The following SLC26A7 variants were observed in gnomAD, a reference collection of about 807,000 sequenced individuals.
The protein encoded by SLC26A7 is anion exchange transporter.
In SLC26A7, 59 loss-of-function variants were observed where a neutral mutation model predicts 82.5. The observed-to-expected ratio is 0.72, with a 90% CI of 0.58 to 0.89. The LOEUF is 0.89. Ranked by LOEUF, SLC26A7 falls within the 40% of genes least tolerant of loss-of-function variation. The pLI, the probability that SLC26A7 is intolerant of heterozygous loss-of-function variation, is 0.00. For synonymous variants in SLC26A7, 271 were observed against 274.3 expected (o/e 0.99, Z 0.12); for missense variants, 820 against 793.0 (o/e 1.03, Z -0.41).
chr8:91,390,481 A>G (rs766039578), intron 16 of SLC26A7, among the ~76,000 whole-genome samples: 2 of 151,572 alleles, frequency 1.3e-5, no homozygotes, highest in African/African-American at 2.4e-5. Context: ...TTCCCTCAAT[A>G]CCCTGAATTG....
intron 15 of SLC26A7, among the ~76,000 whole-genome samples, chr8:91,387,901 T>A (rs1174502791): frequency 6.6e-6 from 1 of 152,206 alleles, no homozygotes; most frequent in Non-Finnish European, 1.5e-5. Flanking sequence ...CACTCCTTCT[T>A]GAACATAGTA....
At chr8:91,390,105 C>T (rs1321026318) in intron 16 of SLC26A7, among the ~76,000 whole-genome samples, 6 of 148,206 alleles carry the variant, frequency 4.0e-5, no homozygotes, top group Non-Finnish European at 7.4e-5. Flanking sequence ...TACCTCCCCA[C>T]CCGCCTTTTT....
intron 4 of SLC26A7, among the ~76,000 whole-genome samples, chr8:91,307,093 A>G: frequency 7.5e-6 from 1 of 133,756 alleles, no homozygotes; most frequent in East Asian, 2.1e-4. Flanking sequence ...TCAAAACCAC[A>G]ATGAGATACC....
chr8:91,329,951 G>C (rs1224675261), intron 5 of SLC26A7, among the ~76,000 whole-genome samples: 1 of 152,096 alleles, frequency 6.6e-6, no homozygotes, highest in Non-Finnish European at 1.5e-5. Flanking sequence ...CCTGTGAACA[G>C]TTATCATCCA....
intron 5 of SLC26A7, among the ~76,000 whole-genome samples, chr8:91,331,044 T>G (rs753432277): frequency 7.2e-5 from 11 of 152,086 alleles, no homozygotes; most frequent in Non-Finnish European, 1.6e-4. Flanking sequence ...CCTGACATGG[T>G]ATTTCTCCTG....
intron 2 of SLC26A7, among the ~76,000 whole-genome samples, chr8:91,236,986 C>T (rs1023113575): frequency 5.9e-5 from 9 of 152,088 alleles, no homozygotes; most frequent in African/African-American, 1.7e-4. Flanking sequence ...TTCTGTCAAC[C>T]GAACTTGCAG....
chr8:91,261,447 A>G (rs1043833715), intron 2 of SLC26A7, among the ~76,000 whole-genome samples: 1 of 152,074 alleles, frequency 6.6e-6, no homozygotes, highest in Non-Finnish European at 1.5e-5. Flanking sequence ...GGTTTCAGCC[A>G]CTTTTTGCCT....
At chr8:91,282,463 G>T (rs1200905052) in intron 2 of SLC26A7, among the ~76,000 whole-genome samples, 1 of 152,084 alleles carries the variant, frequency 6.6e-6, no homozygotes, top group African/African-American at 2.4e-5. Flanking sequence ...CCTAATCAAT[G>T]GCAAAATCCT....
intron 2 of SLC26A7, among the ~76,000 whole-genome samples, chr8:91,240,755 C>A (rs187557179): frequency 5.3e-4 from 81 of 152,150 alleles, no homozygotes; most frequent in African/African-American, 1.9e-3. Context: ...TGAAAACAAG[C>A]ACAAAAGAAA....
intron 13 of SLC26A7, among the ~76,000 whole-genome samples, chr8:91,365,187 C>G (rs1814158681): frequency 2.7e-5 from 4 of 150,372 alleles, no homozygotes; most frequent in Admixed American, 2.7e-4. Context: ...TAACTTAAAA[C>G]AACACATTGG....
At position 91,219,059 on chromosome 8, in the gene SLC26A7, C is replaced by T. The variant is rs1034806144; in HGVS notation, c.-34+54C>T. On this transcript the variant is annotated intron_variant, in intron 2 of 5. Coordinates refer to the SLC26A7 transcript ENST00000522862. ...ACTTGCCCTGTCAGCTCTGCATACA[C>T]AGATTATGCCCTACTTAAGATACCA... 9.6e-6 allele frequency: 8 copies of T among 831,682 alleles called. No individual in the cohort carries two copies. In the Middle Eastern group the frequency reaches 1.8e-3, roughly 188 times the overall value. The allele number at this position is 831,682 out of a possible 1,614,324, so 51.5% of individuals were successfully genotyped here. A position where few individuals can be genotyped will look rare whatever the true frequency, so the allele number is the denominator to read the frequency against.
At chr8:91,343,527 G>A in intron 9 of SLC26A7, 61 bp downstream of exon 9, 1 of 1,140,516 alleles carries the variant, frequency 8.8e-7, no homozygotes, top group South Asian at 1.5e-5. Flanking sequence ...TTCTAGGAGA[G>A]TGGGAAGAGC....
intron 2 of SLC26A7, among the ~76,000 whole-genome samples, chr8:91,234,977 T>G (rs1810372883): frequency 6.6e-6 from 1 of 151,864 alleles, no homozygotes; most frequent in Non-Finnish European, 1.5e-5. Context: ...TGGAGTGCAG[T>G]GGTGTGATCG....
chr8:91,322,545 A>G (rs939343966), intron 5 of SLC26A7, among the ~76,000 whole-genome samples: 9 of 152,328 alleles, frequency 5.9e-5, no homozygotes, highest in African/African-American at 2.2e-4. Flanking sequence ...AGGAATGATG[A>G]AGTATCTTTT....
At chr8:91,387,592 A>G (rs934434022) in intron 15 of SLC26A7, among the ~76,000 whole-genome samples, 4 of 151,694 alleles carry the variant, frequency 2.6e-5, no homozygotes, top group African/African-American at 9.8e-5. Context: ...CCACATGGTT[A>G]GAATGCATAC....
chr8:91,266,911 C>T (rs1167871580), intron 2 of SLC26A7, among the ~76,000 whole-genome samples: 1 of 151,840 alleles, frequency 6.6e-6, no homozygotes, highest in Non-Finnish European at 1.5e-5. Context: ...AGGTATATTC[C>T]TTCCATATCT....
intron 5 of SLC26A7, among the ~76,000 whole-genome samples, chr8:91,319,719 T>C (rs965334759): frequency 3.3e-5 from 5 of 152,226 alleles, no homozygotes; most frequent in African/African-American, 1.2e-4. Context: ...AAAGCAGTGA[T>C]AGTTTCTGTC....
At position 91,270,159 on chromosome 8, in the gene SLC26A7, A is replaced by G. The variant is rs113843330; in HGVS notation, c.194-18977A>G. Among the ~76,000 whole-genome samples, 214 of 152,246 alleles carry G rather than the reference A, an allele frequency of 1.4e-3. 2 individuals carry two copies. The highest frequency in any genetic ancestry group is 5.1e-3 in the African/African-American group (211 of 41,544). ...TTCTGTGAGTTTTCACAATCCTTGT[A>G]TCTTTACACTGATTCCTGCACATTT... On this transcript the variant is annotated intron_variant, in intron 2 of 18. Transcript: ENST00000276609.
intron 15 of SLC26A7, among the ~76,000 whole-genome samples, chr8:91,372,460 T>C (rs536595877): frequency 7.6e-4 from 116 of 152,134 alleles, no homozygotes; most frequent in African/African-American, 2.5e-3. Flanking sequence ...GGCTAGCCAG[T>C]TTTCCCAGCA....
Sources: gnomAD v4.1 joint callset for allele counts (sites outside exome capture counted in the v4.1 genomes callset) on GRCh38, gnomAD v4.1.1 for gene constraint, MANE v1.5 for transcripts, NCBI Gene and HGNC (gene_info 2026-07-23, HGNC 2026-07-21) for gene names.